The following ZBTB20 variants were observed in gnomAD, a reference collection of about 807,000 sequenced individuals.
ZBTB20 encodes zinc finger and BTB domain containing 20.
A neutral mutation model predicts 56.9 loss-of-function variants in ZBTB20; 9 were observed. The observed-to-expected ratio is 0.16, with a 90% CI of 0.10 to 0.28. The LOEUF is 0.28. Among genes scored for constraint, ZBTB20 ranks in the 10% least tolerant of loss-of-function variants. The probability of loss-of-function intolerance (pLI) is 1.00; values close to 1 mark genes in which losing one functional copy is unlikely to be tolerated. For synonymous variants in ZBTB20, 417 were observed against 420.7 expected (o/e 0.99, Z 0.11); for missense variants, 655 against 1,003.0 (o/e 0.65, Z 4.69).
intron 7 of ZBTB20, among the ~76,000 whole-genome samples, chr3:114,484,388 C>T (rs911857126): frequency 2.0e-5 from 3 of 152,142 alleles, no homozygotes; most frequent in Non-Finnish European, 4.4e-5. Flanking sequence ...AAAAGGAGAG[C>T]GAGACTTTGT....
At chr3:114,925,957 G>A (rs939166204) in intron 3 of ZBTB20, among the ~76,000 whole-genome samples, 4 of 152,120 alleles carry the variant, frequency 2.6e-5, no homozygotes, top group Non-Finnish European at 5.9e-5. Flanking sequence ...ACATTAATTT[G>A]GCTAATCTCA....
chr3:114,807,087 G>A lies in ZBTB20; in HGVS notation c.-416-5913C>T, dbSNP rs943622126. Among the ~76,000 whole-genome samples the A allele has an allele frequency of 5.9e-5, 9 of 151,816 alleles. No individual in the cohort carries two copies. The South Asian group carries it at 1.2e-3, about 21-fold the overall frequency. On this transcript the variant is annotated intron_variant, in intron 4 of 11. Coordinates refer to ENST00000675478, the MANE Select transcript of ZBTB20 (RefSeq NM_001348800.3). Reference sequence around the variant, plus strand: ...ACTATTTTGGATCTTTTGCATATTCGTGTAAATTTTAGGATTAGCTTGTCA... The same window carrying A: ...ACTATTTTGGATCTTTTGCATATTCATGTAAATTTTAGGATTAGCTTGTCA...
intron 3 of ZBTB20, among the ~76,000 whole-genome samples, chr3:114,919,812 A>G (rs2075889304): frequency 6.6e-6 from 1 of 152,246 alleles, no homozygotes; most frequent in Admixed American, 6.5e-5. Context: ...AAATTCTCCA[A>G]TCAAAATACA....
intron 5 of ZBTB20, among the ~76,000 whole-genome samples, chr3:114,748,955 G>A (rs139563544): frequency 1.3e-4 from 20 of 152,164 alleles, no homozygotes; most frequent in African/African-American, 4.8e-4. Context: ...AAAACTTGGT[G>A]GGAAAAAGGC....
chr3:114,523,600 G>A (rs1384856635), intron 6 of ZBTB20, among the ~76,000 whole-genome samples: 2 of 152,162 alleles, frequency 1.3e-5, no homozygotes, highest in African/African-American at 4.8e-5. Context: ...AGATTCTAAG[G>A]CACAATGAGG....
At chr3:115,016,458 A>C (rs1482963202) in intron 2 of ZBTB20, among the ~76,000 whole-genome samples, 1 of 151,972 alleles carries the variant, frequency 6.6e-6, no homozygotes, top group Non-Finnish European at 1.5e-5. Context: ...TTTACATTTA[A>C]GTCCTTAATC....
intron 5 of ZBTB20, among the ~76,000 whole-genome samples, chr3:114,771,330 T>G (rs1163823289): frequency 6.6e-6 from 1 of 152,184 alleles, no homozygotes; most frequent in East Asian, 1.9e-4. Context: ...TTAGTTGATT[T>G]GTGATTACTT....
At chr3:114,454,285 C>G (rs966183274) in intron 7 of ZBTB20, among the ~76,000 whole-genome samples, 5 of 150,552 alleles carry the variant, frequency 3.3e-5, no homozygotes, top group African/African-American at 1.2e-4. Context: ...GGCGGTCAAG[C>G]GTTAAGTAAC....
intron 6 of ZBTB20, among the ~76,000 whole-genome samples, chr3:114,610,054 ACAG>A (rs758380950): frequency 2.6e-5 from 4 of 151,978 alleles, no homozygotes; most frequent in Non-Finnish European, 5.9e-5. Flanking sequence ...CATGGCAATC[ACAG>A]CAGCAGCAGC....
chr3:115,043,577 G>GAAATAAAATAAAATA (rs143409903), intron 2 of ZBTB20, among the ~76,000 whole-genome samples: 1,508 of 135,560 alleles, frequency 0.011, 15 homozygotes, highest in Admixed American at 0.014. Context: ...GTCTCAAAAA[G>GAAATAAAATAAAATA]AAATAAAATA....
chr3:114,574,301 G>T (rs762574463), intron 6 of ZBTB20, among the ~76,000 whole-genome samples: 4 of 152,110 alleles, frequency 2.6e-5, no homozygotes, highest in Non-Finnish European at 4.4e-5. Flanking sequence ...CAGATGCCTA[G>T]AAGTAAAATT....
At chr3:115,018,033 T>C (rs938214525) in intron 2 of ZBTB20, among the ~76,000 whole-genome samples, 4 of 151,560 alleles carry the variant, frequency 2.6e-5, no homozygotes, top group Non-Finnish European at 4.4e-5. Context: ...GGATTTTTGT[T>C]GTTGTTTTTT....
At chr3:114,782,211 T>C (rs1043190137) in intron 5 of ZBTB20, among the ~76,000 whole-genome samples, 13 of 152,238 alleles carry the variant, frequency 8.5e-5, no homozygotes, top group Non-Finnish European at 1.9e-4. Context: ...TGTTTACATA[T>C]ACTTTTTTTT....
intron 7 of ZBTB20, among the ~76,000 whole-genome samples, chr3:114,477,816 T>C (rs2040989858): frequency 1.3e-5 from 2 of 152,038 alleles, no homozygotes; most frequent in African/African-American, 4.8e-5. Context: ...CTCTTTTGCA[T>C]AGACTTCAGT....
At chr3:114,627,559 A>G (rs144265367) in intron 6 of ZBTB20, among the ~76,000 whole-genome samples, 30 of 152,320 alleles carry the variant, frequency 2.0e-4, no homozygotes, top group Admixed American at 3.3e-4. Context: ...AGACCCATGT[A>G]AATGACAAGG....
At chr3:114,977,531 T>C (rs1372519002) in intron 2 of ZBTB20, among the ~76,000 whole-genome samples, 1 of 152,142 alleles carries the variant, frequency 6.6e-6, no homozygotes, top group Admixed American at 6.5e-5. Flanking sequence ...AACTTAGGTA[T>C]GGGGTAAATG....
intron 5 of ZBTB20, among the ~76,000 whole-genome samples, chr3:114,793,948 T>G (rs1412800041): frequency 6.6e-6 from 1 of 151,884 alleles, no homozygotes; most frequent in Non-Finnish European, 1.5e-5. Flanking sequence ...CCTCCTAAAT[T>G]TTTTCAGTCT....
intron 6 of ZBTB20, among the ~76,000 whole-genome samples, chr3:114,596,916 T>C (rs916498195): frequency 3.0e-4 from 45 of 152,156 alleles, no homozygotes; most frequent in Non-Finnish European, 8.8e-5. Flanking sequence ...TTTTAATCAT[T>C]TCATTGCATG....
chr3:115,076,508 A>G (rs746731947), intron 1 of ZBTB20, among the ~76,000 whole-genome samples: 1 of 152,202 alleles, frequency 6.6e-6, no homozygotes, highest in Non-Finnish European at 1.5e-5. Flanking sequence ...AAATAATAAA[A>G]TTGGACCTTT....
Sources: allele counts gnomAD v4.1 joint callset (sites outside exome capture counted in the v4.1 genomes callset), GRCh38; gene constraint gnomAD v4.1.1; transcripts MANE v1.5; gene names NCBI Gene and HGNC (gene_info 2026-07-23, HGNC 2026-07-21).